CATSPERB: variants seen among roughly 807,000 people sequenced by gnomAD.
CATSPERB encodes cation channel sperm-associated auxiliary subunit beta.
Under a neutral mutation model 128.3 loss-of-function variants are expected in CATSPERB, and 93 were observed. The ratio of observed to expected loss-of-function variants is 0.72; its 90% confidence interval spans 0.61 to 0.86. CATSPERB has a LOEUF of 0.86. Among genes scored for constraint, CATSPERB ranks in the 40% least tolerant of loss-of-function variants. The pLI, the probability that CATSPERB is intolerant of heterozygous loss-of-function variation, is 0.00. For missense variants in CATSPERB, 1,153 were observed against 1,329.5 expected (o/e 0.87, Z 2.06); for synonymous variants, 381 against 448.8 (o/e 0.85, Z 1.91).
chr14:91,673,108 A>C, intron 12 of CATSPERB, 92 bp from the exon 13 acceptor site: 2 of 1,141,852 alleles, frequency 1.8e-6, no homozygotes, highest in South Asian at 3.2e-5. Flanking sequence ...CATAGAAGTA[A>C]TATTTACAGT....
chr14:91,636,985 TAG>T (rs968044234), intron 16 of CATSPERB, among the ~76,000 whole-genome samples: 9 of 152,236 alleles, frequency 5.9e-5, no homozygotes, highest in Non-Finnish European at 1.3e-4. Flanking sequence ...GATCTCGTGC[TAG>T]AGACTCTGGA....
chr14:91,621,963 G>T (rs745741877), intron 18 of CATSPERB, 26 bp from the exon 19 acceptor site: 5 of 1,467,030 alleles, frequency 3.4e-6, no homozygotes, highest in Non-Finnish European at 4.6e-6. Flanking sequence ...AAGAGACTTG[G>T]TATTAAATCA....
chr14:91,719,643 A>G (rs1381606266), intron 4 of CATSPERB, among the ~76,000 whole-genome samples, 165 bp from the exon 5 acceptor site: 1 of 152,228 alleles, frequency 6.6e-6, no homozygotes, highest in Admixed American at 6.5e-5. Flanking sequence ...ATGCTCACAT[A>G]TGTGTGAAAT....
intron 15 of CATSPERB, among the ~76,000 whole-genome samples, chr14:91,657,400 A>C (rs1034846093): frequency 6.6e-5 from 10 of 152,086 alleles, no homozygotes; most frequent in Non-Finnish European, 1.2e-4. Context: ...AACTATAAAA[A>C]AAAACTATAA....
At chr14:91,662,698 C>T (rs993669441) in intron 14 of CATSPERB, among the ~76,000 whole-genome samples, 2 of 152,204 alleles carry the variant, frequency 1.3e-5, no homozygotes, top group Non-Finnish European at 2.9e-5. Flanking sequence ...TTGACCTACA[C>T]TTTCAACATT....
rs780085138 is a variant in CATSPERB, at chr14:91,617,697, A to G, written c.2300T>C (p.Val767Ala). Residue 767 changes from valine (V) to alanine (A), a missense_variant, in exon 20 of 27, where the codon GTT (valine) becomes GCT (alanine). Coordinates refer to ENST00000256343, the MANE Select transcript of CATSPERB (RefSeq NM_024764.4). ...AACTTCCAACAAATTAGGGTTTCCA[A>G]CAAACACAGTCAGTAGTGGTATTTC... ...MLEIPLLTVF[V>A]GNPNLLEVTA... 4 of 1,604,488 alleles carry G rather than the reference A, an allele frequency of 2.5e-6. No homozygotes were observed. Among genetic ancestry groups the G allele is most frequent in the East Asian group, 4.5e-5 (2 of 43,972 alleles).
At chr14:91,698,026 A>G (rs1018226027) in intron 7 of CATSPERB, among the ~76,000 whole-genome samples, 5 of 151,960 alleles carry the variant, frequency 3.3e-5, no homozygotes, top group African/African-American at 1.2e-4. Context: ...CTGTTTTTCC[A>G]TTCGTTTGTA....
intron 16 of CATSPERB, among the ~76,000 whole-genome samples, chr14:91,638,342 A>G (rs77930085): frequency 1.5e-3 from 236 of 152,282 alleles, no homozygotes; most frequent in African/African-American, 5.6e-3. Context: ...CTAGAAAAAG[A>G]AGAAACCAGG....
At chr14:91,626,594 T>C (rs1894168886) in intron 17 of CATSPERB, among the ~76,000 whole-genome samples, 1 of 152,100 alleles carries the variant, frequency 6.6e-6, no homozygotes, top group Admixed American at 6.6e-5. Flanking sequence ...TCCCCCTGTC[T>C]TTCTCTCTCT....
chr14:91,670,350 G>C lies in CATSPERB; in HGVS notation c.1129-378C>G, dbSNP rs10151893. Among the ~76,000 whole-genome samples the C allele has an allele frequency of 3.9e-3, 595 of 152,150 alleles. 9 individuals are homozygous for C. The highest frequency in any genetic ancestry group is 0.013 in the African/African-American group (556 of 41,504). ...TTCTATTCAACCATTATTTTAAATGGGATCAGAATATGACACCTCAGGCCA... is the reference window on the plus strand; with the variant it reads ...TTCTATTCAACCATTATTTTAAATGCGATCAGAATATGACACCTCAGGCCA... On this transcript the variant is annotated intron_variant, in intron 13 of 26. Transcript: ENST00000256343.
Position 91,652,531 on chromosome 14 carries a change from C to T in CATSPERB, c.1432+7306G>A, listed in dbSNP as rs951109716. Among the ~76,000 whole-genome samples, 15 of 150,160 alleles carry T rather than the reference C, an allele frequency of 1.0e-4. No individual in the cohort carries two copies. The South Asian group carries it at 2.3e-3, about 23-fold the overall frequency. The stretch of plus-strand genomic sequence containing the variant: ...AAAAAAAAAAAAAAAATTAGCTGGG[C>T]ATGGTGGCGGGTATCTGTAATCCCA... On this transcript the variant is annotated intron_variant, in intron 15 of 26. Transcript: ENST00000256343.
intron 7 of CATSPERB, among the ~76,000 whole-genome samples, chr14:91,702,554 C>G (rs1407553291): frequency 1.3e-5 from 2 of 151,498 alleles, no homozygotes; most frequent in Non-Finnish European, 2.9e-5. Flanking sequence ...CATGCTAGGA[C>G]AAATTTTTGT....
intron 22 of CATSPERB, among the ~76,000 whole-genome samples, chr14:91,606,068 T>G (rs1228825895): frequency 6.6e-6 from 1 of 150,670 alleles, no homozygotes; most frequent in Non-Finnish European, 1.5e-5. Context: ...CCCAGCTGCT[T>G]GGGAGGCTGA....
chr14:91,630,233 T>C (rs1371793073), intron 17 of CATSPERB, among the ~76,000 whole-genome samples: 1 of 152,208 alleles, frequency 6.6e-6, no homozygotes, highest in East Asian at 1.9e-4. Context: ...TCTACCTTAC[T>C]GGCTGCTCCT....
intron 10 of CATSPERB, among the ~76,000 whole-genome samples, chr14:91,686,183 C>T (rs543258777): frequency 6.0e-4 from 92 of 152,284 alleles, no homozygotes; most frequent in African/African-American, 1.7e-3. Context: ...TTAATTTCAA[C>T]GAGCACTTAT....
intron 5 of CATSPERB, among the ~76,000 whole-genome samples, chr14:91,712,267 AAAC>A (rs1227511629): frequency 6.6e-6 from 1 of 152,228 alleles, no homozygotes; most frequent in African/African-American, 2.4e-5. Flanking sequence ...AAATTGATAT[AAAC>A]AAGAGTTAAG....
At chr14:91,729,697 A>G (rs1379800262) in intron 1 of CATSPERB, among the ~76,000 whole-genome samples, 1 of 152,230 alleles carries the variant, frequency 6.6e-6, no homozygotes, top group African/African-American at 2.4e-5. Flanking sequence ...ATTACAAACT[A>G]GAAAAAGAGA....
In CATSPERB at chr14:91,636,588, A is replaced by G. The variant is rs4900084; in HGVS notation, c.1588-9T>C. The G allele has an allele frequency of 0.11, 177,712 of 1,599,306 alleles. 11,124 individuals are homozygous for G. The highest frequency in any genetic ancestry group is 0.22 in the African/African-American group (16,424 of 74,024). ...AAGCCCATATCTGGAGGCTGGAAACAGAGAAAAGAAAATATTATATTTAAA... is the reference window on the plus strand; with the variant it reads ...AAGCCCATATCTGGAGGCTGGAAACGGAGAAAAGAAAATATTATATTTAAA... On this transcript the variant is annotated splice_polypyrimidine_tract_variant and intron_variant, in intron 16 of 26. Coordinates refer to ENST00000256343, the MANE Select transcript of CATSPERB (RefSeq NM_024764.4).
At chr14:91,659,738 G>T (rs1894842352) in intron 15 of CATSPERB, 99 bp downstream of exon 15, 7 of 1,143,910 alleles carry the variant, frequency 6.1e-6, no homozygotes, top group Non-Finnish European at 8.6e-6. Flanking sequence ...TAATAGTTTT[G>T]AGGTCTTAGG....
Sources: gnomAD v4.1 joint callset for allele counts (sites outside exome capture counted in the v4.1 genomes callset) on GRCh38, gnomAD v4.1.1 for gene constraint, MANE v1.5 for transcripts, NCBI Gene and HGNC (gene_info 2026-07-23, HGNC 2026-07-21) for gene names.